ABCA4: variants seen among roughly 807,000 people sequenced by gnomAD.
The protein encoded by ABCA4 is ATP binding cassette subfamily A member 4, also known as retinal-specific phospholipid-transporting ATPase ABCA4.
Under a neutral mutation model 263.7 loss-of-function variants are expected in ABCA4, and 196 were observed. The ratio of observed to expected loss-of-function variants is 0.74; its 90% CI spans 0.66 to 0.84. ABCA4 has a LOEUF of 0.84. ABCA4 is among the 40% of genes least tolerant of loss of function. The pLI is 0.00. For synonymous variants in ABCA4, 1,133 were observed against 1,094.2 expected, an observed-to-expected ratio of 1.04 and a Z score of -0.70; for missense variants, 2,792 against 2,855.1, an observed-to-expected ratio of 0.98 and a Z score of 0.50.
Position 94,042,858 on chromosome 1 carries a change from C to G in ABCA4, c.3231G>C (p.Val1077=). Residue 1077 remains valine, a synonymous_variant, in exon 22 of 50, where the codon GTG becomes GTC. Coordinates refer to ENST00000370225, the MANE Select transcript of ABCA4 (RefSeq NM_000350.3). The stretch of plus-strand genomic sequence containing the variant: ...CCAGAATCACCACCTTGGCATCTCC[C>G]ACAAAGGCAATGGCAACCGACAGCT... ...QRKLSVAIAF[V]GDAKVVILDE... The G allele has an allele frequency of 6.2e-7, 1 of 1,614,180 alleles. No individual in the cohort carries two copies. The highest frequency in any genetic ancestry group is 8.5e-7 in the Non-Finnish European group (1 of 1,180,028).
chr1:94,032,376 C>T (rs777632533), intron 26 of ABCA4, among the ~76,000 whole-genome samples: 2 of 152,208 alleles, frequency 1.3e-5, no homozygotes, highest in African/African-American at 2.4e-5. Context: ...GAGGCTCACG[C>T]CTGTCATCTC....
At chr1:94,116,237 C>T (rs2101175665) in intron 1 of ABCA4, among the ~76,000 whole-genome samples, 1 of 152,258 alleles carries the variant, frequency 6.6e-6, no homozygotes, top group South Asian at 2.1e-4. Context: ...CCTGTGCCCT[C>T]TTCTCATCCT....
chr1:94,055,510 A>C (rs1279272615), intron 15 of ABCA4, among the ~76,000 whole-genome samples, 195 bp from the exon 16 acceptor site: 2 of 152,124 alleles, frequency 1.3e-5, no homozygotes, highest in East Asian at 3.9e-4. Context: ...CTCTGCAAAC[A>C]AGAGAGTCTC....
intron 6 of ABCA4, among the ~76,000 whole-genome samples, chr1:94,094,964 C>T (rs1163337629): frequency 1.3e-5 from 2 of 152,296 alleles, no homozygotes; most frequent in East Asian, 1.9e-4. Flanking sequence ...CTGCAAAGGC[C>T]GCAGGTGAAG....
chr1:94,025,707 T>C (rs1557770536), intron 30 of ABCA4: 1 of 163,124 alleles, frequency 6.1e-6, no homozygotes. Flanking sequence ...GAAATGTTCC[T>C]GGTTCCAGTC....
intron 6 of ABCA4, among the ~76,000 whole-genome samples, chr1:94,086,584 C>T (rs1160930583): frequency 6.6e-6 from 1 of 151,616 alleles, no homozygotes; most frequent in Non-Finnish European, 1.5e-5. Flanking sequence ...TAGCTGTTTA[C>T]TTATATAAAG....
chr1:94,061,850 T>C (rs1428754341), intron 13 of ABCA4, among the ~76,000 whole-genome samples: 2 of 152,244 alleles, frequency 1.3e-5, no homozygotes, highest in African/African-American at 4.8e-5. Flanking sequence ...GAGGGTTTCC[T>C]GTGTCCACAC....
intron 14 of ABCA4, among the ~76,000 whole-genome samples, chr1:94,059,907 A>C (rs1163028915): frequency 6.6e-6 from 1 of 152,232 alleles, no homozygotes; most frequent in Non-Finnish European, 1.5e-5. Flanking sequence ...GCAAGTTTGC[A>C]GAGGACAGAC....
chr1:94,027,399 G>A (rs1660071855), intron 30 of ABCA4, among the ~76,000 whole-genome samples: 1 of 152,190 alleles, frequency 6.6e-6, no homozygotes, highest in Non-Finnish European at 1.5e-5. Flanking sequence ...TCACAGCCTT[G>A]ACGTCCTGAT....
intron 6 of ABCA4, among the ~76,000 whole-genome samples, chr1:94,087,789 T>C (rs1661870222): frequency 6.6e-6 from 1 of 152,180 alleles, no homozygotes; most frequent in Non-Finnish European, 1.5e-5. Context: ...AAATCCCACA[T>C]TTGACAAATA....
chr1:94,075,995 T>G (rs1167472777), intron 11 of ABCA4, among the ~76,000 whole-genome samples: 2 of 152,060 alleles, frequency 1.3e-5, no homozygotes, highest in East Asian at 3.9e-4. Flanking sequence ...GAAGTGACAT[T>G]TAAGAGCTGA....
intron 36 of ABCA4, among the ~76,000 whole-genome samples, chr1:94,016,134 T>C: frequency 6.6e-6 from 1 of 152,310 alleles, no homozygotes; most frequent in Admixed American, 6.5e-5. Context: ...TTCTATTTGG[T>C]CATAAAGTTT....
chr1:94,045,761 C>T (rs1660653158), intron 19 of ABCA4: 3 of 456,258 alleles, frequency 6.6e-6, no homozygotes, highest in South Asian at 4.6e-5. Flanking sequence ...CACACTGAAC[C>T]GCCCTAGAGA....
chr1:93,996,066 A>G (rs1225153044), intron 49 of ABCA4, 43 bp downstream of exon 49: 1 of 1,576,824 alleles, frequency 6.3e-7, no homozygotes, highest in South Asian at 1.1e-5. Flanking sequence ...CTCTGAGCCA[A>G]GGAACTGCCT....
At chr1:94,055,346 G>T in intron 15 of ABCA4, 31 bp from the exon 16 acceptor site, 2 of 1,608,218 alleles carry the variant, frequency 1.2e-6, no homozygotes, top group South Asian at 1.1e-5. Context: ...CACAGAAAAA[G>T]AGCAGTGCCT....
intron 19 of ABCA4, among the ~76,000 whole-genome samples, chr1:94,046,282 A>C (rs1377390820): frequency 5.8e-5 from 2 of 34,248 alleles, no homozygotes; most frequent in Admixed American, 2.7e-4. Context: ...GTCTGTACTA[A>C]AAAAAAAAAA....
At chr1:94,010,325 C>G (rs1659510548) in intron 40 of ABCA4, among the ~76,000 whole-genome samples, 1 of 149,968 alleles carries the variant, frequency 6.7e-6, no homozygotes, top group Non-Finnish European at 1.5e-5. Flanking sequence ...CAGCTACCCA[C>G]CTTCCTCCAG....
intron 25 of ABCA4, 124 bp from the exon 26 acceptor site, chr1:94,036,912 T>C (rs1660353555): frequency 1.0e-6 from 1 of 1,002,618 alleles, no homozygotes; most frequent in African/African-American, 1.6e-5. Context: ...CGACTCTATC[T>C]GAGAACATCA....
intron 38 of ABCA4, among the ~76,000 whole-genome samples, chr1:94,012,846 G>A (rs922898654): frequency 6.7e-6 from 1 of 150,176 alleles, no homozygotes; most frequent in Non-Finnish European, 1.5e-5. Context: ...AGTGGGCCAC[G>A]CTTGTTTATA....
Sources: allele counts gnomAD v4.1 joint callset (sites outside exome capture counted in the v4.1 genomes callset), GRCh38; gene constraint gnomAD v4.1.1; transcripts MANE v1.5; gene names NCBI Gene and HGNC (gene_info 2026-07-23, HGNC 2026-07-21).